The following GRAMD1B variants were observed in gnomAD, a reference collection of about 807,000 sequenced individuals.
GRAMD1B encodes the protein protein Aster-B.
GRAMD1B carries 37 observed loss-of-function variants against 99.7 expected under a neutral mutation model. The ratio of observed to expected loss-of-function variants is 0.37; its 90% CI spans 0.29 to 0.49. The LOEUF (loss-of-function observed/expected upper bound fraction) is 0.49, where lower values mean the gene tolerates loss of function less well. Ranked by LOEUF, GRAMD1B falls within the 20% of genes least tolerant of loss-of-function variation. The probability of loss-of-function intolerance (pLI) is 0.98; values close to 1 mark genes in which losing one functional copy is unlikely to be tolerated. For missense variants in GRAMD1B, 888 were observed against 1,009.2 expected (o/e 0.88, Z 1.63); for synonymous variants, 427 against 387.6 (o/e 1.10, Z -1.19).
In GRAMD1B at chr11:123,404,034, T is replaced by C. The variant is rs553011404; in HGVS notation, c.-176+45235T>C. Among the ~76,000 whole-genome samples the C allele has an allele frequency of 2.6e-5, 4 of 152,352 alleles. No individual in the cohort carries two copies. In the East Asian group the frequency reaches 7.7e-4, roughly 29 times the overall value. On this transcript the variant is annotated intron_variant, in intron 1 of 20. Coordinates refer to the GRAMD1B transcript ENST00000638157. ...TAGGACATTTGACTTACAGTGTTTC[T>C]CACTGTTTGGAACTTGCTGATTTCA... is the stretch of plus-strand genomic sequence containing the variant.
chr11:123,403,448 G>GATAAA (rs1555112781), intron 1 of GRAMD1B, among the ~76,000 whole-genome samples: 93 of 139,170 alleles, frequency 6.7e-4, no homozygotes, highest in African/African-American at 2.4e-3. Flanking sequence ...TGATGATGAT[G>GATAAA]ATAATAATAA....
chr11:123,403,951 T>A (rs1445948921), intron 1 of GRAMD1B, among the ~76,000 whole-genome samples: 1 of 152,200 alleles, frequency 6.6e-6, no homozygotes, highest in African/African-American at 2.4e-5. Context: ...TTGCTTTAAC[T>A]CTACAAGTTC....
chr11:123,518,875 G>A (rs1051494909), intron 2 of GRAMD1B, among the ~76,000 whole-genome samples: 1 of 152,202 alleles, frequency 6.6e-6, no homozygotes, highest in Non-Finnish European at 1.5e-5. Context: ...TTTATTGCCT[G>A]AAGGAATATT....
At chr11:123,524,640 A>G (rs17127435) in intron 2 of GRAMD1B, among the ~76,000 whole-genome samples, 21,765 of 152,128 alleles carry the variant, frequency 0.14, 1,832 homozygotes, top group East Asian at 0.44. Flanking sequence ...GTGCGTGACC[A>G]AAGGAGAAAT....
At position 123,619,285 on chromosome 11, in the gene GRAMD1B, T is replaced by C. The variant is rs529312928; in HGVS notation, c.2544+61T>C. ...TTGGGAGCGGGGACTCCTTCCCTTATGCTGTGAGAAAGATCCTCGTCTCTA... is the reference window on the plus strand; with the variant it reads ...TTGGGAGCGGGGACTCCTTCCCTTACGCTGTGAGAAAGATCCTCGTCTCTA... On this transcript the variant is annotated intron_variant, in intron 19 of 19. Transcript: ENST00000635736. The C allele has an allele frequency of 2.5e-5, 39 of 1,543,438 alleles. No individual in the cohort carries two copies. The South Asian group carries it at 3.8e-4, about 15-fold the overall frequency.
intron 2 of GRAMD1B, among the ~76,000 whole-genome samples, chr11:123,487,197 T>C (rs1254427367): frequency 1.3e-5 from 2 of 152,230 alleles, no homozygotes; most frequent in Admixed American, 6.5e-5. Flanking sequence ...TATCTGCATA[T>C]TAGAGTTTAG....
intron 1 of GRAMD1B, among the ~76,000 whole-genome samples, chr11:123,387,950 C>A (rs916086265): frequency 6.6e-5 from 10 of 151,340 alleles, no homozygotes; most frequent in African/African-American, 2.4e-4. Context: ...ATGGCAAAAC[C>A]CCATCTCTAC....
intron 1 of GRAMD1B, among the ~76,000 whole-genome samples, chr11:123,423,723 A>G (rs1403531777): frequency 6.6e-6 from 1 of 152,226 alleles, no homozygotes; most frequent in Non-Finnish European, 1.5e-5. Context: ...AATGTAGTAT[A>G]CTTTAAAAAG....
At chr11:123,427,711 G>A (rs1948704297), upstream of GRAMD1B, among the ~76,000 whole-genome samples, 1 of 152,094 alleles carries the variant, frequency 6.6e-6, no homozygotes, top group Non-Finnish European at 1.5e-5. Flanking sequence ...GCAGGTGCAA[G>A]TGAGTAAGGA....
intron 2 of GRAMD1B, among the ~76,000 whole-genome samples, chr11:123,549,273 A>G (rs781354749): frequency 2.6e-5 from 4 of 152,136 alleles, no homozygotes; most frequent in Non-Finnish European, 4.4e-5. Flanking sequence ...GGCCGGGCGC[A>G]GCAGCTCATG....
Position 123,584,305 on chromosome 11 carries a change from T to G in GRAMD1B, c.664-7T>G, listed in dbSNP as rs1423455588. ...ATTCTACCTTCTCTTTCATTTTCTC[T>G]TTTCAGAAAAGCCAGAGTTGGTATA... is the stretch of plus-strand genomic sequence containing the variant. On this transcript the variant is annotated splice_region_variant and splice_polypyrimidine_tract_variant and intron_variant, in intron 3 of 19. Transcript: ENST00000635736. 1 of 1,196,486 alleles carries G rather than the reference T, an allele frequency of 8.4e-7. No homozygotes were observed. The highest frequency in any genetic ancestry group is 1.1e-6 in the Non-Finnish European group (1 of 911,342). 74.1% of individuals were successfully genotyped at this position (1,196,486 alleles called of 1,614,324 possible). A position where few individuals can be genotyped will look rare whatever the true frequency, so the allele number is the denominator to read the frequency against.
At chr11:123,491,648 C>T in intron 2 of GRAMD1B, 1 of 377,916 alleles carries the variant, frequency 2.6e-6, no homozygotes, top group Non-Finnish European at 4.7e-6. Flanking sequence ...CTCGGTAACG[C>T]AGGACCCCAG....
chr11:123,583,229 ATG>A (rs1454569572), intron 3 of GRAMD1B, among the ~76,000 whole-genome samples: 4 of 144,754 alleles, frequency 2.8e-5, no homozygotes, highest in African/African-American at 7.8e-5. Flanking sequence ...TGTGGTGTGT[ATG>A]TGTGCATGTC....
At chr11:123,533,597 T>C (rs1943644981) in intron 2 of GRAMD1B, among the ~76,000 whole-genome samples, 1 of 152,076 alleles carries the variant, frequency 6.6e-6, no homozygotes, top group Non-Finnish European at 1.5e-5. Context: ...AGGTTAATTT[T>C]TGTATTTTTA....
chr11:123,515,914 G>A (rs1031960944), intron 2 of GRAMD1B, among the ~76,000 whole-genome samples: 7 of 151,908 alleles, frequency 4.6e-5, no homozygotes, highest in African/African-American at 1.7e-4. Context: ...ACCACAGGTG[G>A]GCAACACCAC....
intron 1 of GRAMD1B, among the ~76,000 whole-genome samples, chr11:123,378,567 G>A (rs1020082104): frequency 6.6e-5 from 10 of 152,300 alleles, no homozygotes; most frequent in African/African-American, 2.4e-4. Context: ...GAAATGGTAG[G>A]AGAAATTCTT....
intron 1 of GRAMD1B, among the ~76,000 whole-genome samples, chr11:123,440,403 G>A (rs189652085): frequency 9.9e-5 from 15 of 152,228 alleles, no homozygotes; most frequent in East Asian, 9.7e-4. Flanking sequence ...CCAGCTACTC[G>A]GGAGGCTGAG....
chr11:123,429,448 T>A (rs530798025), upstream of GRAMD1B, among the ~76,000 whole-genome samples: 4 of 152,182 alleles, frequency 2.6e-5, no homozygotes, highest in South Asian at 8.3e-4. This position sits in a 1 kb window ranked among gnomAD's most constrained non-coding sequence, Gnocchi z 4.0. Flanking sequence ...CTAGGTTCCA[T>A]GACATGGGGA....
intron 1 of GRAMD1B, among the ~76,000 whole-genome samples, chr11:123,467,574 C>T (rs1950752166): frequency 6.6e-6 from 1 of 151,948 alleles, no homozygotes; most frequent in South Asian, 2.1e-4. Flanking sequence ...GGAGCCCTGG[C>T]ATTAGGAAGA....
Sources: gnomAD v4.1 joint callset for allele counts (sites outside exome capture counted in the v4.1 genomes callset) on GRCh38, gnomAD v4.1.1 for gene constraint, Gnocchi (gnomAD v3.1) non-coding constraint, MANE v1.5 for transcripts, NCBI Gene and HGNC (gene_info 2026-07-23, HGNC 2026-07-21) for gene names.